RBFOX1: variants seen among roughly 807,000 people sequenced by gnomAD.
RBFOX1 encodes the protein RNA binding protein fox-1 homolog 1.
A neutral mutation model predicts 57.7 loss-of-function variants in RBFOX1; 8 were observed. The ratio of observed to expected loss-of-function variants is 0.14; its 90% CI spans 0.08 to 0.25. The LOEUF (loss-of-function observed/expected upper bound fraction) is 0.25. Among genes scored for constraint, RBFOX1 ranks in the 10% least tolerant of loss-of-function variants. RBFOX1 has a pLI of 1.00. For missense variants in RBFOX1, 611 were observed against 548.5 expected (o/e 1.11, Z -1.14); for synonymous variants, 326 against 222.4 (o/e 1.47, Z -4.15).
chr16:6,268,087 G>A (rs189072056), intron 1 of RBFOX1, among the ~76,000 whole-genome samples: 1 of 152,262 alleles, frequency 6.6e-6, no homozygotes, highest in East Asian at 1.9e-4. Flanking sequence ...CTTGCACTGG[G>A]TAAACACAAA....
intron 4 of RBFOX1, among the ~76,000 whole-genome samples, chr16:7,490,743 G>A (rs2066714765): frequency 1.3e-5 from 2 of 152,050 alleles, no homozygotes; most frequent in African/African-American, 4.8e-5. Flanking sequence ...ACCTCAAATT[G>A]TTCATTATCT....
In RBFOX1 at chr16:6,317,047, C is replaced by G; in HGVS notation, c.-74C>G. 6.5e-7 allele frequency: 1 copy of G among 1,535,256 alleles called. No homozygotes were observed. Among genetic ancestry groups the G allele is most frequent in the Admixed American group, 2.0e-5 (1 of 50,978 alleles). ...GGAACTTACAGCTTCCTTGATCGGA[C>G]TCAGCATTCAGTAAGTGCAACCCAT... On this transcript the variant is annotated 5_prime_UTR_variant, in exon 2 of 16. Transcript: ENST00000550418.
intron 1 of RBFOX1, chr16:5,467,170 T>C: frequency 7.4e-7 from 1 of 1,355,896 alleles, no homozygotes; most frequent in Non-Finnish European, 9.9e-7. Flanking sequence ...AGACTCAATG[T>C]TTCTTCTCTC....
At chr16:7,220,438 T>C (rs966318157) in intron 4 of RBFOX1, among the ~76,000 whole-genome samples, 2 of 152,172 alleles carry the variant, frequency 1.3e-5, no homozygotes, top group African/African-American at 4.8e-5. Flanking sequence ...AAAGTGTTCA[T>C]AGGAACCTAA....
chr16:6,947,774 C>A (rs759760212), intron 3 of RBFOX1, among the ~76,000 whole-genome samples: 4 of 152,094 alleles, frequency 2.6e-5, no homozygotes, highest in Non-Finnish European at 5.9e-5. Context: ...TACATTTTCT[C>A]TTGCTCTTTT....
chr16:7,384,068 A>T (rs534401193), intron 4 of RBFOX1, among the ~76,000 whole-genome samples: 1 of 151,858 alleles, frequency 6.6e-6, no homozygotes, highest in Non-Finnish European at 1.5e-5. Flanking sequence ...AAAAAAAAAA[A>T]GTATCCCAAG....
chr16:6,790,552 G>A (rs968148919), intron 3 of RBFOX1, among the ~76,000 whole-genome samples: 1 of 152,024 alleles, frequency 6.6e-6, no homozygotes, highest in Admixed American at 6.6e-5. Flanking sequence ...TTCCTATTTA[G>A]CCTCTATTCC....
At chr16:7,145,713 G>A (rs1010118669) in intron 4 of RBFOX1, among the ~76,000 whole-genome samples, 5 of 152,096 alleles carry the variant, frequency 3.3e-5, no homozygotes, top group African/African-American at 1.2e-4. Flanking sequence ...TTTAAAAAAT[G>A]TATCTTTAAG....
intron 4 of RBFOX1, among the ~76,000 whole-genome samples, chr16:7,517,096 G>A (rs2076516983): frequency 6.6e-6 from 1 of 151,128 alleles, no homozygotes; most frequent in Admixed American, 6.6e-5. Flanking sequence ...CATCTCCTGA[G>A]ACCATGGAAA....
At chr16:6,443,008 C>T (rs1244534206) in intron 2 of RBFOX1, among the ~76,000 whole-genome samples, 1 of 152,174 alleles carries the variant, frequency 6.6e-6, no homozygotes, top group Non-Finnish European at 1.5e-5. Context: ...GGAATCTGTA[C>T]TTGGAGCCAG....
intron 2 of RBFOX1, among the ~76,000 whole-genome samples, chr16:6,478,914 T>C (rs74005224): frequency 0.072 from 10,974 of 152,140 alleles, 1,248 homozygotes; most frequent in African/African-American, 0.24. Flanking sequence ...AGGTTTGATA[T>C]ATTGTGAGAT....
chr16:5,547,100 C>G (rs2045240895), intron 2 of RBFOX1, among the ~76,000 whole-genome samples: 1 of 152,132 alleles, frequency 6.6e-6, no homozygotes, highest in African/African-American at 2.4e-5. Flanking sequence ...ACTGACCACA[C>G]CAAGTCTTGG....
intron 4 of RBFOX1, among the ~76,000 whole-genome samples, chr16:6,003,552 C>T (rs1426288870): frequency 1.3e-5 from 2 of 150,860 alleles, no homozygotes; most frequent in African/African-American, 2.4e-5. Context: ...CATTGCTCCA[C>T]CCCTGCGGTA....
At chr16:5,633,679 G>C (rs2048591930) in intron 3 of RBFOX1, among the ~76,000 whole-genome samples, 1 of 152,052 alleles carries the variant, frequency 6.6e-6, no homozygotes, top group African/African-American at 2.4e-5. Flanking sequence ...TTTGAGGTCA[G>C]CCTGGCCAAC....
intron 3 of RBFOX1, among the ~76,000 whole-genome samples, chr16:6,919,146 G>A (rs990879841): frequency 2.6e-5 from 4 of 151,890 alleles, no homozygotes; most frequent in African/African-American, 9.7e-5. Context: ...TGCCTGGCTA[G>A]TTTTTTGTAT....
chr16:5,710,331 G>T (rs959989797), intron 3 of RBFOX1, among the ~76,000 whole-genome samples: 1 of 152,154 alleles, frequency 6.6e-6, no homozygotes, highest in Non-Finnish European at 1.5e-5. Flanking sequence ...CTTTCACTGC[G>T]CTCTCTGTTA....
At chr16:6,241,900 G>C (rs1359913802) in intron 1 of RBFOX1, among the ~76,000 whole-genome samples, 1 of 152,170 alleles carries the variant, frequency 6.6e-6, no homozygotes, top group Non-Finnish European at 1.5e-5. Flanking sequence ...TTTTAGGAAT[G>C]GAAATTCTGC....
At chr16:5,586,925 C>A (rs1242022351) in intron 2 of RBFOX1, among the ~76,000 whole-genome samples, 1 of 152,214 alleles carries the variant, frequency 6.6e-6, no homozygotes, top group East Asian at 1.9e-4. Flanking sequence ...AGGCACTTAG[C>A]AGGTTCTTAA....
chr16:5,756,909 CT>C (rs2151633722), intron 3 of RBFOX1, among the ~76,000 whole-genome samples: 1 of 152,230 alleles, frequency 6.6e-6, no homozygotes, highest in African/African-American at 2.4e-5. Context: ...TATAAGGGTT[CT>C]ACAAGATGAT....
Sources: gnomAD v4.1 joint callset for allele counts (sites outside exome capture counted in the v4.1 genomes callset) on GRCh38, gnomAD v4.1.1 for gene constraint, MANE v1.5 for transcripts, NCBI Gene and HGNC (gene_info 2026-07-23, HGNC 2026-07-21) for gene names.